The following MYO18A variants were observed in gnomAD, a reference collection of about 807,000 sequenced individuals.
MYO18A encodes unconventional myosin-XVIIIa.
In MYO18A, 78 loss-of-function variants were observed where a neutral mutation model predicts 235.8. The ratio of observed to expected loss-of-function variants is 0.33; its 90% confidence interval spans 0.28 to 0.40. The LOEUF (loss-of-function observed/expected upper bound fraction) is 0.40. Ranked by LOEUF, MYO18A falls within the 10% of genes least tolerant of loss-of-function variation. The pLI is 1.00. For missense variants in MYO18A, 2,215 were observed against 2,699.3 expected, an observed-to-expected ratio of 0.82 and a Z score of 3.98; for synonymous variants, 977 against 1,077.8, an observed-to-expected ratio of 0.91 and a Z score of 1.83.
Position 29,121,465 on chromosome 17 carries a change from TG to T in MYO18A, c.1371+81del. The T allele has an allele frequency of 1.4e-6, 2 of 1,407,384 alleles. No individual in the cohort carries two copies. Among genetic ancestry groups the T allele is most frequent in the Non-Finnish European group, 1.9e-6 (2 of 1,046,738 alleles). The allele number at this position is 1,407,384 out of a possible 1,614,324, so 87.2% of individuals were successfully genotyped here. A position where few individuals can be genotyped will look rare whatever the true frequency, so the allele number is the denominator to read the frequency against. On this transcript the variant is annotated intron_variant, in intron 5 of 41. Transcript: ENST00000527372. The surrounding 1 kb of genome is among the most constrained non-coding windows in gnomAD (Gnocchi z 4.2). ...ACTGTGAGAGTGGACAGGAGCCCAG[TG>T]GGGTGCCACAGGGGAAGGGCAGAGA...
At position 29,121,230 on chromosome 17, in the gene MYO18A, G is replaced by A. The variant is rs1313517525; in HGVS notation, c.1372-19C>T. 7 of 1,586,164 alleles carry A rather than the reference G, an allele frequency of 4.4e-6. No individual in the cohort carries two copies. In the East Asian group the frequency reaches 6.9e-5, roughly 16 times the overall value. On this transcript the variant is annotated intron_variant, in intron 5 of 41. Coordinates refer to ENST00000527372, the MANE Select transcript of MYO18A (RefSeq NM_078471.4). This position sits in a 1 kb window ranked among gnomAD's most constrained non-coding sequence, Gnocchi z 4.2. ...GCATCACCTTGGGCAGGAGAGCAAG[G>A]GAGAGAAGGGGTTGGCTCTTAGCTG...
chr17:29,094,909 G>A (rs1156675123), intron 29 of MYO18A, 27 bp downstream of exon 29: 2 of 1,612,644 alleles, frequency 1.2e-6, no homozygotes, highest in Non-Finnish European at 1.7e-6. Context: ...GGGGGACAGG[G>A]CACAGATGGT....
intron 37 of MYO18A, among the ~76,000 whole-genome samples, chr17:29,088,056 T>C (rs901794378): frequency 1.4e-5 from 2 of 147,216 alleles, no homozygotes; most frequent in African/African-American, 5.1e-5. Flanking sequence ...TAAATTCTTT[T>C]TTTTTTTTTT....
At chr17:29,129,139 G>A in intron 2 of MYO18A, 1 of 1,288,688 alleles carries the variant, frequency 7.8e-7, no homozygotes. Flanking sequence ...AAATGATCAG[G>A]GAGCTCTTCC....
At chr17:29,151,731 T>C (rs984471687) in intron 2 of MYO18A, among the ~76,000 whole-genome samples, 46 of 152,234 alleles carry the variant, frequency 3.0e-4, no homozygotes, top group African/African-American at 1.1e-3. Context: ...TGCAGTGGCC[T>C]GAGGGCTTCC....
At chr17:29,179,547 C>A (rs755463004) in intron 1 of MYO18A, among the ~76,000 whole-genome samples, 1 of 152,198 alleles carries the variant, frequency 6.6e-6, no homozygotes, top group South Asian at 2.1e-4. Context: ...GACAGGTTAG[C>A]AGGGCGGGGC....
chr17:29,158,890 T>C lies in MYO18A; in HGVS notation c.999+7052A>G, dbSNP rs1429211226. Among the ~76,000 whole-genome samples the C allele has an allele frequency of 7.9e-5, 12 of 152,196 alleles. No individual in the cohort carries two copies. The highest frequency in any genetic ancestry group is 4.4e-5 in the Non-Finnish European group (3 of 68,008). ...CTGGTATTTTCCAGAACCAGTCCAA[T>C]GTAAATAAGAGAGATTAGAAGGGAG... On this transcript the variant is annotated intron_variant, in intron 2 of 41. Coordinates refer to ENST00000527372, the MANE Select transcript of MYO18A (RefSeq NM_078471.4). This position sits in a 1 kb window ranked among gnomAD's most constrained non-coding sequence, Gnocchi z 4.3.
chr17:29,081,604 A>G (rs1390843368), intron 41 of MYO18A, among the ~76,000 whole-genome samples: 4 of 106,044 alleles, frequency 3.8e-5, no homozygotes, highest in African/African-American at 1.5e-4. Flanking sequence ...TTGGGATTCT[A>G]TGTTGTGGGG....
Position 29,166,724 on chromosome 17 carries a change from C to T in MYO18A, c.217G>A (p.Gly73Ser). 1.9e-6 allele frequency: 3 copies of T among 1,613,844 alleles called. No individual in the cohort carries two copies. The highest frequency in any genetic ancestry group is 1.7e-6 in the Non-Finnish European group (2 of 1,179,878). Residue 73 changes from glycine (G) to serine (S), a missense_variant, in exon 2 of 42, where the codon GGC (glycine) becomes AGC (serine). Transcript: ENST00000527372. ...SNPIPIKVAS[G>S]SDLHLTDIDS... ...ATGTCAGTCAGGTGCAGGTCAGAGC[C>T]GCTGGCCACCTTGATGGGGATGGGG...
intron 34 of MYO18A, chr17:29,091,547 G>A (rs912501506): frequency 2.2e-6 from 1 of 446,756 alleles, no homozygotes; most frequent in Middle Eastern, 3.8e-4. Context: ...CCTCCGCCAA[G>A]AAATTTATTA....
chr17:29,162,905 C>G (rs2068204520), intron 2 of MYO18A, among the ~76,000 whole-genome samples: 1 of 152,210 alleles, frequency 6.6e-6, no homozygotes, highest in African/African-American at 2.4e-5. Flanking sequence ...ACCCAGCATT[C>G]TGGACACACG....
Position 29,111,828 on chromosome 17 carries a change from G to A in MYO18A, c.2634C>T (p.Gly878=), listed in dbSNP as rs756212029. The A allele has an allele frequency of 2.5e-6, 4 of 1,613,650 alleles. No homozygotes were observed. The highest frequency in any genetic ancestry group is 1.1e-5 in the South Asian group (1 of 91,080). The change falls in exon 16 of 42, where the codon GGC becomes GGT. Residue 878 remains glycine (G), a synonymous_variant. Coordinates refer to ENST00000527372, the MANE Select transcript of MYO18A (RefSeq NM_078471.4). This position sits in a 1 kb window ranked among gnomAD's most constrained non-coding sequence, Gnocchi z 5.1. ...CCTCCTCTTCCAATAGCCAGAGCAG[G>A]CCCCTCGCCTCGTCTGTGCGGGCCA... ...RSLARTDEAR[G]LLWLLEEEAL... is the part of the protein sequence containing the mutation.
rs376312283 is a variant in MYO18A, at chr17:29,097,089, A to C, written c.4230+134T>G. The C allele has an allele frequency of 2.5e-5, 36 of 1,435,728 alleles. No individual in the cohort carries two copies. In the East Asian group the frequency reaches 6.5e-4, roughly 26 times the overall value. The allele number at this position is 1,435,728 out of a possible 1,614,324, so 88.9% of individuals were successfully genotyped here. A position where few individuals can be genotyped will look rare whatever the true frequency, so the allele number is the denominator to read the frequency against. ...CTTGCTCCTGATTGCCCCTGCACCA[A>C]GAAGCTAACATGCCAGCCTCCCCGA... On this transcript the variant is annotated intron_variant, in intron 27 of 41. Coordinates refer to ENST00000527372, the MANE Select transcript of MYO18A (RefSeq NM_078471.4).
At chr17:29,152,268 G>A (rs925193076) in intron 2 of MYO18A, among the ~76,000 whole-genome samples, 3 of 152,180 alleles carry the variant, frequency 2.0e-5, no homozygotes, top group Admixed American at 6.5e-5. Context: ...AGCAAGACAG[G>A]TGTGAAGAAA....
intron 2 of MYO18A, among the ~76,000 whole-genome samples, chr17:29,129,348 G>C (rs1217293096): frequency 1.3e-5 from 2 of 152,214 alleles, no homozygotes; most frequent in Non-Finnish European, 2.9e-5. Context: ...AGTTCCCAGA[G>C]TGTGTATAGC....
chr17:29,089,311 C>T (rs1380526035), intron 37 of MYO18A, among the ~76,000 whole-genome samples: 7 of 148,030 alleles, frequency 4.7e-5, no homozygotes, highest in Non-Finnish European at 8.9e-5. Flanking sequence ...GTCCCATCTA[C>T]TCGGGAGGCT....
chr17:29,123,108 C>G (rs2059809881), intron 2 of MYO18A, among the ~76,000 whole-genome samples: 1 of 152,234 alleles, frequency 6.6e-6, no homozygotes, highest in East Asian at 1.9e-4. Flanking sequence ...AGGTCACCAA[C>G]TCAGACATAA....
chr17:29,096,644 C>A, intron 28 of MYO18A, 117 bp downstream of exon 28: 1 of 1,288,292 alleles, frequency 7.8e-7, no homozygotes, highest in Non-Finnish European at 1.0e-6. Flanking sequence ...ACCAGGCAAG[C>A]AAGGCCCCTG....
chr17:29,102,063 C>T (rs1451238020), intron 21 of MYO18A, among the ~76,000 whole-genome samples: 3 of 152,174 alleles, frequency 2.0e-5, no homozygotes, highest in Admixed American at 2.0e-4. Context: ...AGAGCCTAGA[C>T]GACCTGAACT....
Sources: gnomAD v4.1 joint callset for allele counts (sites outside exome capture counted in the v4.1 genomes callset) on GRCh38, gnomAD v4.1.1 for gene constraint, Gnocchi (gnomAD v3.1) non-coding constraint, MANE v1.5 for transcripts, NCBI Gene and HGNC (gene_info 2026-07-23, HGNC 2026-07-21) for gene names.